Variants in CWC27 observed in about 807,000 individuals in gnomAD.
The protein encoded by CWC27 is CWC27 spliceosome associated cyclophilin, also known as spliceosome-associated protein CWC27 homolog.
Under a neutral mutation model 63.6 loss-of-function variants are expected in CWC27, and 47 were observed. The ratio of observed to expected loss-of-function variants is 0.74; its 90% CI spans 0.58 to 0.94. The LOEUF is 0.94. Ranked by LOEUF, CWC27 falls within the 40% of genes least tolerant of loss-of-function variation. CWC27 has a pLI of 0.00. For missense variants in CWC27, 495 were observed against 554.3 expected (o/e 0.89, Z 1.07); for synonymous variants, 175 against 179.8 (o/e 0.97, Z 0.22).
intron 10 of CWC27, among the ~76,000 whole-genome samples, chr5:64,824,254 C>G (rs1198012894): frequency 6.6e-6 from 1 of 152,112 alleles, no homozygotes; most frequent in Admixed American, 6.5e-5. Context: ...TAAAATGTCA[C>G]TCTTTAAAAG....
At chr5:64,972,561 C>A in intron 12 of CWC27, 2 of 377,280 alleles carry the variant, frequency 5.3e-6, no homozygotes, top group South Asian at 2.1e-5. Context: ...TATATGGACA[C>A]ACCATTTTAG....
chr5:64,815,619 T>A (rs1174567450), intron 10 of CWC27, among the ~76,000 whole-genome samples: 1 of 152,184 alleles, frequency 6.6e-6, no homozygotes. Flanking sequence ...TTGATCATCA[T>A]ATTCCTGGCA....
At chr5:64,992,664 T>A (rs1267073294) in intron 13 of CWC27, among the ~76,000 whole-genome samples, 1 of 151,504 alleles carries the variant, frequency 6.6e-6, no homozygotes, top group Non-Finnish European at 1.5e-5. Context: ...CCCACGTAGC[T>A]GGGACTACAG....
At chr5:64,861,528 T>G (rs1286382186) in intron 10 of CWC27, among the ~76,000 whole-genome samples, 2 of 152,212 alleles carry the variant, frequency 1.3e-5, no homozygotes, top group Non-Finnish European at 2.9e-5. Flanking sequence ...CTAAACATGC[T>G]TAGCACACTT....
In CWC27 at chr5:64,975,938, C is replaced by T. The variant is rs568705129; in HGVS notation, c.1153-1197C>T. Reference sequence around the variant, plus strand: ...AAAAAATTAGCTGGGCATGGTGGCACGTGCCTGTGGTCCCAGCTACTCAGG... The same window carrying T: ...AAAAAATTAGCTGGGCATGGTGGCATGTGCCTGTGGTCCCAGCTACTCAGG... On this transcript the variant is annotated intron_variant, in intron 12 of 13. Transcript: ENST00000381070. Among the ~76,000 whole-genome samples the T allele has an allele frequency of 5.3e-5, 8 of 152,032 alleles. No homozygotes were observed. In the East Asian group the frequency reaches 1.4e-3, roughly 26 times the overall value.
At chr5:65,001,819 G>A (rs1218832515) in intron 13 of CWC27, among the ~76,000 whole-genome samples, 1 of 151,788 alleles carries the variant, frequency 6.6e-6, no homozygotes, top group Non-Finnish European at 1.5e-5. Flanking sequence ...TTGGTTACCG[G>A]GTAGTGATGG....
chr5:64,956,967 G>A (rs1026616237), intron 11 of CWC27, among the ~76,000 whole-genome samples: 3 of 152,022 alleles, frequency 2.0e-5, no homozygotes, highest in African/African-American at 7.2e-5. Context: ...AATGGTGATG[G>A]TGCTGGCAGA....
intron 8 of CWC27, 21 bp from the exon 9 acceptor site, chr5:64,801,281 T>C: frequency 7.1e-7 from 1 of 1,413,750 alleles, no homozygotes; most frequent in South Asian, 1.3e-5. Flanking sequence ...CTAAAATTTG[T>C]TTTGCTTATT....
At chr5:64,902,904 T>C (rs1747540577) in intron 11 of CWC27, among the ~76,000 whole-genome samples, 1 of 152,232 alleles carries the variant, frequency 6.6e-6, no homozygotes, top group South Asian at 2.1e-4. Context: ...GAGCACTGTT[T>C]TGTAGTTTTC....
At position 64,988,973 on chromosome 5, in the gene CWC27, G is replaced by A. The variant is rs187342130; in HGVS notation, c.1256+11735G>A. Among the ~76,000 whole-genome samples the A allele has an allele frequency of 2.2e-4, 33 of 152,250 alleles. No individual in the cohort carries two copies. In the East Asian group the frequency reaches 6.4e-3, roughly 29 times the overall value. Reference sequence around the variant, plus strand: ...TTAGCATTGGATTGACACATGCACTGACTTTATGGATTCCCTTTTCCCTTT... The same window carrying A: ...TTAGCATTGGATTGACACATGCACTAACTTTATGGATTCCCTTTTCCCTTT... On this transcript the variant is annotated intron_variant, in intron 13 of 13. Transcript: ENST00000381070.
At chr5:64,842,914 T>C (rs1745883069) in intron 10 of CWC27, among the ~76,000 whole-genome samples, 1 of 152,224 alleles carries the variant, frequency 6.6e-6, no homozygotes, top group African/African-American at 2.4e-5. Context: ...TTTCAAGTTC[T>C]AATTGTTTCT....
intron 12 of CWC27, 113 bp from the exon 13 acceptor site, chr5:64,977,018 TCAAA>T: frequency 1.9e-6 from 1 of 534,678 alleles, no homozygotes; most frequent in Non-Finnish European, 3.2e-6. Context: ...TTGTTCAAAA[TCAAA>T]CATTTTGTTT....
intron 10 of CWC27, among the ~76,000 whole-genome samples, chr5:64,827,922 G>A (rs1157543454): frequency 1.3e-5 from 2 of 152,100 alleles, no homozygotes; most frequent in African/African-American, 2.4e-5. Flanking sequence ...GATAAGAATC[G>A]TTCCTTTGTG....
At chr5:64,862,593 A>AT (rs1246753423) in intron 10 of CWC27, among the ~76,000 whole-genome samples, 1 of 152,166 alleles carries the variant, frequency 6.6e-6, no homozygotes, top group Non-Finnish European at 1.5e-5. Context: ...CCTAATAATC[A>AT]TCTAATACCC....
In CWC27 at chr5:65,000,987, C is replaced by G. The variant is rs73094737; in HGVS notation, c.1257-17172C>G. 9.8e-3 allele frequency among the ~76,000 whole-genome samples: 1,483 copies of G among 151,950 alleles called. 32 individuals carry two copies. Among genetic ancestry groups the G allele is most frequent in the African/African-American group, 0.034 (1,406 of 41,504 alleles). The stretch of plus-strand genomic sequence containing the variant: ...GGATGTCTTTTCATTTGTTTGTATT[C>G]TCTTCAGTTTCTTTCATCAGTGTTT... On this transcript the variant is annotated intron_variant, in intron 13 of 13. Transcript: ENST00000381070.
At chr5:64,870,773 A>G (rs912289694) in intron 10 of CWC27, among the ~76,000 whole-genome samples, 3 of 152,098 alleles carry the variant, frequency 2.0e-5, no homozygotes, top group Admixed American at 1.3e-4. Context: ...AGAGCTAGCC[A>G]TTGTTTTCAT....
rs564145055 is a variant in CWC27, at chr5:64,857,322, T to G, written c.939-28121T>G. 9.8e-4 allele frequency among the ~76,000 whole-genome samples: 150 copies of G among 152,314 alleles called. 1 individual carries two copies. Among genetic ancestry groups the G allele is most frequent in the South Asian group, 2.3e-3 (11 of 4,834 alleles). On this transcript the variant is annotated intron_variant, in intron 10 of 13. Transcript: ENST00000381070. ...GCAGGCAGAAGATGCTCAGTCAGGA[T>G]AGCTGTGTGATGTCTACCAGGTTTA...
At chr5:64,800,728 G>C (rs1744458908) in intron 8 of CWC27, among the ~76,000 whole-genome samples, 1 of 152,132 alleles carries the variant, frequency 6.6e-6, no homozygotes. Context: ...CAGTTTGGGG[G>C]CCAGTCCACT....
intron 10 of CWC27, among the ~76,000 whole-genome samples, chr5:64,826,244 T>G (rs1745356320): frequency 6.6e-6 from 1 of 152,248 alleles, no homozygotes; most frequent in Non-Finnish European, 1.5e-5. Flanking sequence ...TGACTTTTTC[T>G]TTGACCTGTG....
Sources: allele counts gnomAD v4.1 joint callset (sites outside exome capture counted in the v4.1 genomes callset), GRCh38; gene constraint gnomAD v4.1.1; transcripts MANE v1.5; gene names NCBI Gene and HGNC (gene_info 2026-07-23, HGNC 2026-07-21).